NCKAP5: variants seen among roughly 807,000 people sequenced by gnomAD.
NCKAP5 encodes the protein NCK associated protein 5, also known as nck-associated protein 5.
NCKAP5 carries 92 observed loss-of-function variants against 167.0 expected under a neutral mutation model. The ratio of observed to expected loss-of-function variants is 0.55; its 90% confidence interval spans 0.47 to 0.66. NCKAP5 has a LOEUF of 0.66. NCKAP5 is among the 30% of genes least tolerant of loss of function. The pLI is 0.00. For missense variants in NCKAP5, 2,378 were observed against 2,315.0 expected (o/e 1.03, Z -0.56); for synonymous variants, 891 against 877.4 (o/e 1.02, Z -0.27).
intron 2 of NCKAP5, among the ~76,000 whole-genome samples, chr2:133,547,018 C>G (rs563166617): frequency 6.6e-6 from 1 of 152,210 alleles, no homozygotes; most frequent in African/African-American, 2.4e-5. Flanking sequence ...CCAGTGGGTG[C>G]GCGCACCGTG....
chr2:133,028,088 T>C (rs978065917), intron 6 of NCKAP5, among the ~76,000 whole-genome samples: 10 of 152,208 alleles, frequency 6.6e-5, no homozygotes, highest in African/African-American at 2.4e-4. Flanking sequence ...GTAAGTACAA[T>C]GCAAATATTC....
intron 16 of NCKAP5, among the ~76,000 whole-genome samples, chr2:132,772,969 G>C (rs1682214020): frequency 6.6e-6 from 1 of 152,194 alleles, no homozygotes. Context: ...CTGGACACTG[G>C]GGATCTGTGG....
chr2:133,133,568 G>C (rs1479610077), intron 5 of NCKAP5, among the ~76,000 whole-genome samples: 4 of 152,154 alleles, frequency 2.6e-5, no homozygotes, highest in Non-Finnish European at 5.9e-5. Context: ...TCCCTTTACA[G>C]AGGTGAGCTT....
At chr2:133,625,870 C>CAAA in the NCKAP5 span, among the ~76,000 whole-genome samples, 37 of 88,862 alleles carry the variant, frequency 4.2e-4, no homozygotes, top group African/African-American at 7.1e-4. Flanking sequence ...AGACTTGTCT[C>CAAA]AAAAAAAAAA....
At chr2:132,811,948 T>C (rs1272897033) in intron 11 of NCKAP5, among the ~76,000 whole-genome samples, 1 of 152,210 alleles carries the variant, frequency 6.6e-6, no homozygotes, top group African/African-American at 2.4e-5. Context: ...AGGGCCTTTC[T>C]GCTGCTTCTT....
At chr2:133,657,701 C>T in the NCKAP5 span, among the ~76,000 whole-genome samples, 3 of 152,158 alleles carry the variant, frequency 2.0e-5, no homozygotes, top group Non-Finnish European at 4.4e-5. Context: ...CCTGAAGTTA[C>T]TGTGCAATGC....
At chr2:133,214,548 T>G (rs997463338) in intron 4 of NCKAP5, among the ~76,000 whole-genome samples, 2 of 152,210 alleles carry the variant, frequency 1.3e-5, no homozygotes, top group Admixed American at 1.3e-4. Context: ...TTTAGATCCC[T>G]TATAATTCTG....
chr2:133,349,902 C>G (rs1684239641), intron 3 of NCKAP5, among the ~76,000 whole-genome samples: 1 of 152,160 alleles, frequency 6.6e-6, no homozygotes, highest in Non-Finnish European at 1.5e-5. Context: ...CCAGGGTAAA[C>G]TTAATTATAT....
intron 8 of NCKAP5, among the ~76,000 whole-genome samples, chr2:132,913,300 TCTGA>T (rs1293284071): frequency 1.3e-5 from 2 of 152,016 alleles, no homozygotes; most frequent in African/African-American, 4.8e-5. Context: ...TAAACACAGA[TCTGA>T]CTATCTTTAC....
chr2:133,033,493 T>A (rs2078946543), intron 6 of NCKAP5, among the ~76,000 whole-genome samples: 1 of 152,254 alleles, frequency 6.6e-6, no homozygotes, highest in East Asian at 1.9e-4. Context: ...CAGGAAAGCA[T>A]GACCTCACCA....
At chr2:133,325,346 G>A (rs1320576806) in intron 3 of NCKAP5, among the ~76,000 whole-genome samples, 3 of 152,192 alleles carry the variant, frequency 2.0e-5, no homozygotes, top group Non-Finnish European at 4.4e-5. Flanking sequence ...AGCTTATGAA[G>A]ATAGCATTTA....
chr2:132,951,772 T>C (rs1296065264), intron 8 of NCKAP5, among the ~76,000 whole-genome samples: 1 of 152,212 alleles, frequency 6.6e-6, no homozygotes, highest in African/African-American at 2.4e-5. Context: ...TAACATTTTC[T>C]CCTGGCAAAC....
At chr2:132,837,535 C>G (rs1687977930) in intron 11 of NCKAP5, among the ~76,000 whole-genome samples, 2 of 151,776 alleles carry the variant, frequency 1.3e-5, no homozygotes, top group South Asian at 4.2e-4. Flanking sequence ...CTAAAGTTTT[C>G]TCTGATCTCT....
chr2:133,581,747 C>T, the NCKAP5 span, among the ~76,000 whole-genome samples: 8 of 152,132 alleles, frequency 5.3e-5, no homozygotes, highest in Non-Finnish European at 1.0e-4. Flanking sequence ...CACAGACATG[C>T]CCCTGGAAAT....
At chr2:133,446,307 A>G (rs1691190104) in intron 3 of NCKAP5, among the ~76,000 whole-genome samples, 1 of 152,234 alleles carries the variant, frequency 6.6e-6, no homozygotes, top group Admixed American at 6.5e-5. Context: ...TAGATATGAT[A>G]TTAAAGAAGA....
At chr2:133,581,529 G>A in the NCKAP5 span, among the ~76,000 whole-genome samples, 7 of 152,164 alleles carry the variant, frequency 4.6e-5, no homozygotes, top group South Asian at 1.2e-3. Context: ...CAGCTGCAGT[G>A]GCAGGGCTGG....
chr2:133,474,502 G>A (rs1222983108), intron 3 of NCKAP5, among the ~76,000 whole-genome samples: 1 of 152,134 alleles, frequency 6.6e-6, no homozygotes, highest in Non-Finnish European at 1.5e-5. Flanking sequence ...GGTGAATAGA[G>A]TTAATAGTAA....
chr2:133,037,395 T>C (rs1162888477), intron 6 of NCKAP5, among the ~76,000 whole-genome samples: 1 of 152,148 alleles, frequency 6.6e-6, no homozygotes, highest in Non-Finnish European at 1.5e-5. Context: ...GACTTCAAAT[T>C]ATTCTACAGA....
At chr2:133,254,165 T>C (rs182507685) in intron 4 of NCKAP5, among the ~76,000 whole-genome samples, 20 of 152,302 alleles carry the variant, frequency 1.3e-4, no homozygotes, top group Admixed American at 8.5e-4. Context: ...GTTGGTCCTG[T>C]GGCATGCTGT....
Sources: gnomAD v4.1 joint callset for allele counts (sites outside exome capture counted in the v4.1 genomes callset) on GRCh38, gnomAD v4.1.1 for gene constraint, MANE v1.5 for transcripts, NCBI Gene and HGNC (gene_info 2026-07-23, HGNC 2026-07-21) for gene names.